Variants in NAV2 observed in about 807,000 individuals in gnomAD.
NAV2 encodes the protein helicase, APC down-regulated 1.
NAV2 carries 54 observed loss-of-function variants against 223.2 expected under a neutral mutation model. The ratio of observed to expected loss-of-function variants is 0.24; its 90% confidence interval spans 0.19 to 0.30. NAV2 has a LOEUF of 0.30. Among genes scored for constraint, NAV2 ranks in the 10% least tolerant of loss-of-function variants. The probability of loss-of-function intolerance (pLI) is 1.00; values close to 1 mark genes in which losing one functional copy is unlikely to be tolerated. For synonymous variants in NAV2, 1,279 were observed against 1,239.3 expected (o/e 1.03, Z -0.67); for missense variants, 2,806 against 3,147.5 (o/e 0.89, Z 2.60).
chr11:19,664,906 G>C (rs1449498222), intron 1 of NAV2, among the ~76,000 whole-genome samples: 1 of 152,204 alleles, frequency 6.6e-6, no homozygotes, highest in African/African-American at 2.4e-5. Flanking sequence ...TGAGAGAGAG[G>C]TTTAGCTATA....
At chr11:19,967,262 A>G (rs2048847529) in intron 10 of NAV2, among the ~76,000 whole-genome samples, 1 of 152,126 alleles carries the variant, frequency 6.6e-6, no homozygotes, top group Non-Finnish European at 1.5e-5. Flanking sequence ...ACCTTTCCTT[A>G]GAGCTCTACA....
chr11:20,117,001 G>C (rs1428343141), intron 37 of NAV2, among the ~76,000 whole-genome samples: 1 of 152,110 alleles, frequency 6.6e-6, no homozygotes, highest in Non-Finnish European at 1.5e-5. Context: ...CTCTTCCCTA[G>C]TTATGGCTGT....
chr11:19,862,431 C>A lies in NAV2; in HGVS notation c.439-6494C>A, dbSNP rs138375186. ...AAGCCACCATGAGAGCTTGAGCCGG[C>A]TTGCTGTAAACGTTGATGCTTGAAT... is the stretch of plus-strand genomic sequence containing the variant. On this transcript the variant is annotated intron_variant, in intron 3 of 37. Transcript: ENST00000349880. Among the ~76,000 whole-genome samples, 1,196 of 152,310 alleles carry A rather than the reference C, an allele frequency of 7.9e-3. 13 individuals carry two copies. Among genetic ancestry groups the A allele is most frequent in the African/African-American group, 0.027 (1,137 of 41,566 alleles).
At chr11:19,733,833 G>A (rs1452075499) in intron 1 of NAV2, among the ~76,000 whole-genome samples, 1 of 152,152 alleles carries the variant, frequency 6.6e-6, no homozygotes, top group African/African-American at 2.4e-5. Flanking sequence ...TACTGATGAT[G>A]GTAATGGGAG....
chr11:19,803,627 C>T (rs1590634618), intron 1 of NAV2, among the ~76,000 whole-genome samples: 1 of 152,230 alleles, frequency 6.6e-6, no homozygotes, highest in Non-Finnish European at 1.5e-5. Context: ...TGAGATAGAG[C>T]AGAATGCCCT....
At chr11:20,094,386 T>C (rs779457137) in intron 29 of NAV2, among the ~76,000 whole-genome samples, 11 of 151,908 alleles carry the variant, frequency 7.2e-5, no homozygotes, top group Non-Finnish European at 1.3e-4. Flanking sequence ...CCTGCCACCA[T>C]GCCCGGCTAA....
At chr11:20,017,565 T>C (rs2054118602) in intron 11 of NAV2, among the ~76,000 whole-genome samples, 1 of 152,222 alleles carries the variant, frequency 6.6e-6, no homozygotes, top group Non-Finnish European at 1.5e-5. Context: ...ATGATTTTGC[T>C]TGTTTGTCTC....
chr11:19,352,155 A>C (rs556112710), intron 1 of NAV2, among the ~76,000 whole-genome samples: 87 of 152,366 alleles, frequency 5.7e-4, no homozygotes, highest in Non-Finnish European at 9.1e-4. Flanking sequence ...AATGCCCACT[A>C]TCTTGGGAAC....
chr11:20,106,143 A>ATGTGTG (rs377360217), intron 35 of NAV2, among the ~76,000 whole-genome samples: 5 of 68,668 alleles, frequency 7.3e-5, no homozygotes, highest in East Asian at 7.1e-4. Context: ...CCTTGTTCAT[A>ATGTGTG]TGTGTGTGTG....
intron 1 of NAV2, among the ~76,000 whole-genome samples, chr11:19,804,649 C>G (rs1231892361): frequency 6.6e-6 from 1 of 152,194 alleles, no homozygotes; most frequent in Non-Finnish European, 1.5e-5. Flanking sequence ...GTCTGTCCTT[C>G]CATCCATCTA....
chr11:19,826,496 G>T (rs943537173), intron 1 of NAV2, among the ~76,000 whole-genome samples: 1 of 152,140 alleles, frequency 6.6e-6, no homozygotes, highest in Non-Finnish European at 1.5e-5. Flanking sequence ...TTTTTCAAGG[G>T]TACCCCTTGG....
chr11:19,434,916 G>T (rs1022705148), intron 1 of NAV2, among the ~76,000 whole-genome samples: 14 of 131,816 alleles, frequency 1.1e-4, no homozygotes, highest in Non-Finnish European at 2.2e-4. Flanking sequence ...CTCAAAATAT[G>T]TCTCAACTTC....
intron 1 of NAV2, among the ~76,000 whole-genome samples, chr11:19,380,166 C>T (rs568275698): frequency 2.6e-4 from 40 of 152,236 alleles, no homozygotes; most frequent in Middle Eastern, 3.4e-3. Context: ...AGAAATAAAA[C>T]TAATAGCGTA....
chr11:19,408,877 C>G (rs1006507540), intron 1 of NAV2, among the ~76,000 whole-genome samples: 3 of 151,866 alleles, frequency 2.0e-5, no homozygotes, highest in African/African-American at 7.3e-5. Context: ...CCCGAGAACT[C>G]GGGAGTCCCA....
At chr11:19,463,203 C>T (rs1205612676) in intron 1 of NAV2, among the ~76,000 whole-genome samples, 3 of 152,206 alleles carry the variant, frequency 2.0e-5, no homozygotes, top group African/African-American at 7.2e-5. Context: ...ATGGTGTTAG[C>T]TTGGTATTTA....
At chr11:20,021,706 C>G (rs1048371419) in intron 11 of NAV2, among the ~76,000 whole-genome samples, 34 of 152,276 alleles carry the variant, frequency 2.2e-4, no homozygotes, top group Middle Eastern at 3.4e-3. Context: ...CTCTGCTTCC[C>G]ACTCCCCACG....
chr11:19,987,377 C>T (rs1409646637), intron 11 of NAV2, among the ~76,000 whole-genome samples: 2 of 152,158 alleles, frequency 1.3e-5, no homozygotes, highest in African/African-American at 4.8e-5. Context: ...TTTCCATTCA[C>T]ACATAAGCAA....
chr11:19,424,484 C>T (rs540801934), intron 1 of NAV2, among the ~76,000 whole-genome samples: 4 of 152,136 alleles, frequency 2.6e-5, no homozygotes, highest in Non-Finnish European at 5.9e-5. Flanking sequence ...TTCTAAGAAG[C>T]GGTCAAATTA....
intron 3 of NAV2, among the ~76,000 whole-genome samples, chr11:19,843,527 C>T (rs2060616404): frequency 6.6e-6 from 1 of 152,148 alleles, no homozygotes; most frequent in Non-Finnish European, 1.5e-5. Context: ...TGTTCTTTTT[C>T]TTATTGCATG....
Sources: gnomAD v4.1 joint callset for allele counts (sites outside exome capture counted in the v4.1 genomes callset) on GRCh38, gnomAD v4.1.1 for gene constraint, MANE v1.5 for transcripts, NCBI Gene and HGNC (gene_info 2026-07-23, HGNC 2026-07-21) for gene names.